The following ZFAND4 variants were observed in gnomAD, a reference collection of about 807,000 sequenced individuals.
ZFAND4 encodes AN1-type zinc finger protein 4.
A neutral mutation model predicts 64.4 loss-of-function variants in ZFAND4; 43 were observed. The ratio of observed to expected loss-of-function variants is 0.67; its 90% confidence interval spans 0.52 to 0.86. The LOEUF (loss-of-function observed/expected upper bound fraction) is 0.86, where lower values mean the gene tolerates loss of function less well. ZFAND4 is among the 40% of genes least tolerant of loss of function. The pLI is 0.00. For synonymous variants in ZFAND4, 296 were observed against 305.7 expected (o/e 0.97, Z 0.33); for missense variants, 929 against 859.8 (o/e 1.08, Z -1.01).
chr10:45,631,321 A>C (rs2046204882), intron 6 of ZFAND4, among the ~76,000 whole-genome samples: 1 of 151,380 alleles, frequency 6.6e-6, no homozygotes, highest in African/African-American at 2.4e-5. Flanking sequence ...CGCCCCCCAA[A>C]AAAAAAAAAT....
intron 1 of ZFAND4, among the ~76,000 whole-genome samples, chr10:45,666,560 T>C (rs903385678): frequency 1.3e-5 from 2 of 152,218 alleles, no homozygotes; most frequent in African/African-American, 4.8e-5. Flanking sequence ...AATTTGGCTA[T>C]TTTTCTTTTA....
intron 2 of ZFAND4, among the ~76,000 whole-genome samples, chr10:45,655,781 G>A (rs183755418): frequency 2.0e-5 from 3 of 152,244 alleles, no homozygotes; most frequent in African/African-American, 7.2e-5. Flanking sequence ...TAAATTCCTA[G>A]AAACATACAA....
chr10:45,627,214 C>T, intron 6 of ZFAND4, 109 bp from the exon 7 acceptor site: 1 of 764,886 alleles, frequency 1.3e-6, no homozygotes, highest in Non-Finnish European at 1.9e-6. Context: ...AGCATTTTTA[C>T]TATCTCAATT....
rs141191502 is a variant in ZFAND4, at chr10:45,626,619, C to T, written c.1204G>A (p.Ala402Thr). 11 of 1,614,070 alleles carry T rather than the reference C, an allele frequency of 6.8e-6. No homozygotes were observed. The South Asian group carries it at 1.1e-4, about 16-fold the overall frequency. ...QSLLPKVGSL[A>T]SFAEGNADEQ... ...TCAGCATTTCCTTCTGCAAATGAAG[C>T]CAGTGAGCCCACTTTAGGTAGAAGT... Residue 402 changes from alanine (A) to threonine (T), a missense_variant, in exon 7 of 10, where the codon GCT (alanine) becomes ACT (threonine). Ala to Thr is a moderately conservative substitution (Grantham distance 58). Coordinates refer to ENST00000344646, the MANE Select transcript of ZFAND4 (RefSeq NM_174890.4).
chr10:45,659,400 C>A (rs1032732328), intron 2 of ZFAND4, among the ~76,000 whole-genome samples: 1 of 152,112 alleles, frequency 6.6e-6, no homozygotes, highest in African/African-American at 2.4e-5. Flanking sequence ...TCAAAGGCAA[C>A]AGGGGAGACA....
chr10:45,657,171 G>T (rs189604817), intron 2 of ZFAND4, among the ~76,000 whole-genome samples: 1 of 152,002 alleles, frequency 6.6e-6, no homozygotes, highest in East Asian at 1.9e-4. Flanking sequence ...ATGCCACCAC[G>T]CCCAGAAAAA....
intron 6 of ZFAND4, among the ~76,000 whole-genome samples, chr10:45,630,175 T>G (rs1457147789): frequency 6.6e-6 from 1 of 151,932 alleles, no homozygotes; most frequent in Non-Finnish European, 1.5e-5. Context: ...CCTAAAACAA[T>G]GAAACAAAAG....
At chr10:45,641,580 A>G (rs1014613762) in intron 5 of ZFAND4, among the ~76,000 whole-genome samples, 1 of 152,220 alleles carries the variant, frequency 6.6e-6, no homozygotes, top group Non-Finnish European at 1.5e-5. Flanking sequence ...GTAGCATCTG[A>G]AGGAAGAATG....
intron 7 of ZFAND4, among the ~76,000 whole-genome samples, chr10:45,624,927 G>T (rs541413445): frequency 3.9e-5 from 6 of 151,944 alleles, no homozygotes; most frequent in African/African-American, 1.5e-4. Flanking sequence ...AGCCTGGGAC[G>T]TCGTGGCTGC....
intron 5 of ZFAND4, among the ~76,000 whole-genome samples, chr10:45,642,875 A>C (rs532253024): frequency 1.3e-5 from 2 of 150,436 alleles, no homozygotes; most frequent in South Asian, 4.2e-4. Flanking sequence ...TGAATTTCTA[A>C]ATTTTTTTTA....
In ZFAND4 at chr10:45,627,072, G is replaced by T. The variant is rs759740813; in HGVS notation, c.751C>A (p.Pro251Thr). Residue 251 changes from proline (P) to threonine (T), a missense_variant, in exon 7 of 10, where the codon CCT (proline) becomes ACT (threonine). Physicochemically the swap from Pro to Thr is conservative, Grantham distance 38. Transcript: ENST00000344646. ...CCACTAGAAGGTCGAGGAGCTACAG[G>T]TGGGTGAGGTTTTATCTTGACAGCT... is the stretch of plus-strand genomic sequence containing the variant. ...KKAVKIKPHPPVAPRPSSGST... is the reference protein window; with the variant it reads ...KKAVKIKPHPTVAPRPSSGST... The T allele has an allele frequency of 6.4e-6, 10 of 1,562,066 alleles. No homozygotes were observed. The highest frequency in any genetic ancestry group is 8.7e-6 in the Non-Finnish European group (10 of 1,154,556).
intron 1 of ZFAND4, among the ~76,000 whole-genome samples, chr10:45,667,458 C>CCTTTTTTTTTT (rs1564639790): frequency 3.3e-5 from 3 of 90,662 alleles, no homozygotes; most frequent in African/African-American, 8.6e-5. Flanking sequence ...TCTTTTCTTT[C>CCTTTTTTTTTT]TTTTTTTTTT....
At chr10:45,670,539 C>T (rs1007453716) in intron 1 of ZFAND4, among the ~76,000 whole-genome samples, 2 of 152,260 alleles carry the variant, frequency 1.3e-5, no homozygotes, top group Non-Finnish European at 1.5e-5. Flanking sequence ...TGTGCCCAGC[C>T]TACAACCATC....
At chr10:45,662,034 A>G (rs2048512559) in intron 2 of ZFAND4, among the ~76,000 whole-genome samples, 1 of 152,098 alleles carries the variant, frequency 6.6e-6, no homozygotes, top group African/African-American at 2.4e-5. Flanking sequence ...GAACCTGCCC[A>G]TGCTGGTACC....
chr10:45,656,207 G>A (rs1468346921), intron 2 of ZFAND4, among the ~76,000 whole-genome samples: 1 of 150,932 alleles, frequency 6.6e-6, no homozygotes, highest in Non-Finnish European at 1.5e-5. Context: ...CTCCAGCCTT[G>A]ACAGAGCAAG....
intron 2 of ZFAND4, among the ~76,000 whole-genome samples, chr10:45,663,292 A>G (rs1287869078): frequency 6.6e-6 from 1 of 152,236 alleles, no homozygotes; most frequent in East Asian, 1.9e-4. Flanking sequence ...AAGCTATTCT[A>G]AAATATTATT....
At position 45,625,932 on chromosome 10, in the gene ZFAND4, T is replaced by C. The variant is rs2045783443; in HGVS notation, c.1872+19A>G. On this transcript the variant is annotated intron_variant, in intron 7 of 9. Coordinates refer to ENST00000344646, the MANE Select transcript of ZFAND4 (RefSeq NM_174890.4). ...CTACAAGGATAACTACTAGAGCATGTTGAAAGGAAAATACTGACCAAAAAA... is the reference window on the plus strand; with the variant it reads ...CTACAAGGATAACTACTAGAGCATGCTGAAAGGAAAATACTGACCAAAAAA... 6.2e-7 allele frequency: 1 copy of C among 1,603,922 alleles called. No homozygotes were observed. The highest frequency in any genetic ancestry group is 1.3e-5 in the African/African-American group (1 of 74,332).
chr10:45,623,544 A>G (rs1455384113), intron 8 of ZFAND4, among the ~76,000 whole-genome samples: 1 of 152,258 alleles, frequency 6.6e-6, no homozygotes, highest in Non-Finnish European at 1.5e-5. Flanking sequence ...GAAATAAGCC[A>G]GTCATAAAAA....
intron 6 of ZFAND4, among the ~76,000 whole-genome samples, chr10:45,634,814 G>A (rs1173743039): frequency 2.0e-5 from 3 of 151,816 alleles, no homozygotes; most frequent in African/African-American, 4.8e-5. Context: ...GTAAAGTTGC[G>A]GGATACAAAA....
Sources: allele counts gnomAD v4.1 joint callset (sites outside exome capture counted in the v4.1 genomes callset), GRCh38; gene constraint gnomAD v4.1.1; transcripts MANE v1.5; gene names NCBI Gene and HGNC (gene_info 2026-07-23, HGNC 2026-07-21).